CSMD1: variants seen among roughly 807,000 people sequenced by gnomAD.
CSMD1 encodes the protein CUB and Sushi multiple domains 1.
Under a neutral mutation model 417.5 loss-of-function variants are expected in CSMD1, and 213 were observed. The observed-to-expected ratio is 0.51, with a 90% confidence interval of 0.46 to 0.57. The LOEUF (loss-of-function observed/expected upper bound fraction) is 0.57. CSMD1 is among the 20% of genes least tolerant of loss of function. The probability of loss-of-function intolerance (pLI) is 0.00; values close to 1 mark genes in which losing one functional copy is unlikely to be tolerated. For missense variants in CSMD1, 6,923 were observed against 4,529.7 expected (o/e 1.53, Z -15.17); for synonymous variants, 2,862 against 1,736.8 (o/e 1.65, Z -16.11).
At chr8:4,822,142 G>A (rs1034566101) in intron 1 of CSMD1, among the ~76,000 whole-genome samples, 1 of 151,852 alleles carries the variant, frequency 6.6e-6, no homozygotes, top group Non-Finnish European at 1.5e-5. Context: ...AAAGTTAAAT[G>A]TTATAAGCCT....
intron 1 of CSMD1, among the ~76,000 whole-genome samples, chr8:4,721,413 C>A (rs575914958): frequency 6.6e-6 from 1 of 152,142 alleles, no homozygotes; most frequent in Non-Finnish European, 1.5e-5. Context: ...ATGAATCTGA[C>A]TACTACAAAT....
intron 27 of CSMD1, among the ~76,000 whole-genome samples, chr8:3,224,562 C>A (rs1798392014): frequency 1.3e-5 from 2 of 152,280 alleles, no homozygotes. Flanking sequence ...GTATACATAT[C>A]AGTGAGGAGC....
chr8:3,311,409 C>T (rs1453167756), intron 23 of CSMD1, among the ~76,000 whole-genome samples: 1 of 152,040 alleles, frequency 6.6e-6, no homozygotes, highest in African/African-American at 2.4e-5. Flanking sequence ...GCCATCACAC[C>T]CAGCTAATTT....
At chr8:4,035,334 G>C (rs995551833) in intron 3 of CSMD1, among the ~76,000 whole-genome samples, 1 of 152,096 alleles carries the variant, frequency 6.6e-6, no homozygotes, top group Non-Finnish European at 1.5e-5. Context: ...ACTGTCACTG[G>C]TTTTTCTACT....
chr8:3,556,419 A>ATATATATATATATT, intron 10 of CSMD1, among the ~76,000 whole-genome samples: 1 of 146,010 alleles, frequency 6.8e-6, no homozygotes, highest in African/African-American at 2.5e-5. Context: ...ATATATTCAC[A>ATATATATATATATT]CACACAAAGA....
intron 23 of CSMD1, among the ~76,000 whole-genome samples, chr8:3,308,914 G>A (rs544883347): frequency 7.2e-5 from 11 of 151,894 alleles, no homozygotes; most frequent in East Asian, 5.8e-4. Context: ...TAGTAGAGAC[G>A]GGGTTTCACT....
intron 3 of CSMD1, among the ~76,000 whole-genome samples, chr8:4,228,154 C>T (rs1395594629): frequency 6.6e-6 from 1 of 152,190 alleles, no homozygotes; most frequent in Non-Finnish European, 1.5e-5. Flanking sequence ...TTAAATGCCA[C>T]AGAAGGAAAC....
intron 5 of CSMD1, among the ~76,000 whole-genome samples, chr8:3,853,277 C>T (rs938420426): frequency 6.6e-6 from 1 of 152,142 alleles, no homozygotes; most frequent in African/African-American, 2.4e-5. Context: ...TGTGAGTTTT[C>T]TTTGTGATCT....
At chr8:4,725,910 G>A (rs528450442) in intron 1 of CSMD1, among the ~76,000 whole-genome samples, 20 of 152,078 alleles carry the variant, frequency 1.3e-4, no homozygotes, top group Non-Finnish European at 2.8e-4. Flanking sequence ...ACATTCCAGG[G>A]GGGGTTACTT....
intron 5 of CSMD1, among the ~76,000 whole-genome samples, chr8:3,771,207 G>C (rs976484685): frequency 2.0e-5 from 3 of 152,026 alleles, no homozygotes; most frequent in African/African-American, 7.2e-5. Context: ...CTCTTTTTGG[G>C]GCCAGCTACT....
At chr8:4,681,650 T>C (rs1806059805) in intron 1 of CSMD1, among the ~76,000 whole-genome samples, 1 of 152,198 alleles carries the variant, frequency 6.6e-6, no homozygotes, top group African/African-American at 2.4e-5. Context: ...TGCTGGCACG[T>C]CAATCCTGCT....
rs80226948 is a variant in CSMD1 at position 4,421,308 on chromosome 8, G to T, written c.303-1243C>A. Among the ~76,000 whole-genome samples the T allele has an allele frequency of 6.8e-3, 1,038 of 152,258 alleles. 11 individuals carry two copies. The highest frequency in any genetic ancestry group is 0.024 in the African/African-American group (1,003 of 41,572). ...GTGACTGAAGACCAGCAAGAATACA[G>T]AACTCATCAACCCTATATAACAGTA... On this transcript the variant is annotated intron_variant, in intron 2 of 69. Coordinates refer to ENST00000635120, the MANE Select transcript of CSMD1 (RefSeq NM_033225.6).
intron 26 of CSMD1, among the ~76,000 whole-genome samples, chr8:3,248,523 CTTTTT>C (rs10663439): frequency 2.1e-3 from 184 of 85,980 alleles, no homozygotes; most frequent in African/African-American, 7.5e-3. Context: ...AATTCCCTCC[CTTTTT>C]TTTTTTTTTT....
chr8:4,188,189 T>A (rs1403448716), intron 3 of CSMD1, among the ~76,000 whole-genome samples: 1 of 152,108 alleles, frequency 6.6e-6, no homozygotes, highest in Non-Finnish European at 1.5e-5. Flanking sequence ...ACGATGATTT[T>A]GGCAGGAAGG....
At chr8:4,696,183 C>A (rs989660313) in intron 1 of CSMD1, among the ~76,000 whole-genome samples, 12 of 152,146 alleles carry the variant, frequency 7.9e-5, no homozygotes, top group Non-Finnish European at 1.5e-5. Flanking sequence ...AAAGCCAGTG[C>A]ACATGTATGC....
intron 2 of CSMD1, among the ~76,000 whole-genome samples, chr8:4,521,090 T>G (rs1020238974): frequency 3.3e-5 from 5 of 152,186 alleles, no homozygotes; most frequent in Non-Finnish European, 5.9e-5. Flanking sequence ...TCTTCTAAAA[T>G]GATTTTGCAA....
chr8:3,826,012 C>A (rs1305306545), intron 5 of CSMD1, among the ~76,000 whole-genome samples: 2 of 152,192 alleles, frequency 1.3e-5, no homozygotes, highest in Non-Finnish European at 2.9e-5. Flanking sequence ...TATTCACTTG[C>A]CTTTTTCAAA....
intron 3 of CSMD1, among the ~76,000 whole-genome samples, chr8:4,338,699 T>A (rs754657646): frequency 2.0e-5 from 3 of 152,116 alleles, no homozygotes; most frequent in Non-Finnish European, 2.9e-5. Flanking sequence ...ATAGTTCCGG[T>A]TCTACAAGTA....
At chr8:3,639,714 G>C (rs1045463049) in intron 7 of CSMD1, among the ~76,000 whole-genome samples, 1 of 152,142 alleles carries the variant, frequency 6.6e-6, no homozygotes, top group South Asian at 2.1e-4. Flanking sequence ...CAACATCTTT[G>C]ATTTCTCAAT....
Sources: allele counts gnomAD v4.1 joint callset (sites outside exome capture counted in the v4.1 genomes callset), GRCh38; gene constraint gnomAD v4.1.1; transcripts MANE v1.5; gene names NCBI Gene and HGNC (gene_info 2026-07-23, HGNC 2026-07-21).